CLEC2B: variants seen among roughly 807,000 people sequenced by gnomAD.
CLEC2B encodes the protein C-type (calcium dependent, carbohydrate-recognition domain) lectin, superfamily member 2 (activation-induced).
In CLEC2B, 14 loss-of-function variants were observed where a neutral mutation model predicts 16.2. The observed-to-expected ratio is 0.86, with a 90% CI of 0.57 to 1.35. The LOEUF is 1.35. Among genes scored for constraint, CLEC2B ranks in the 40% most tolerant of loss-of-function variants. The pLI is 0.00. For synonymous variants in CLEC2B, 42 were observed against 55.8 expected (o/e 0.75, Z 1.10); for missense variants, 166 against 182.3 (o/e 0.91, Z 0.52).
At position 9,853,083 on chromosome 12, in the gene CLEC2B, A is replaced by AAGAAAGAAAGAGAGAGAGAG; in HGVS notation, c.*216_*217insCTCTCTCTCTCTTTCTTTCT. ...AAAGAAAGAAAGAAAGAAAGAAAGA[A>AAGAAAGAAAGAGAGAGAGAG]AGAGAGAGAGAGAAAGAAAGAAAGA... On this transcript the variant is annotated 3_prime_UTR_variant, in exon 5 of 5. Transcript: ENST00000228438. 3.2e-6 allele frequency: 1 copy of AAGAAAGAAAGAGAGAGAGAG among 308,292 alleles called. No homozygotes were observed. Among genetic ancestry groups the AAGAAAGAAAGAGAGAGAGAG allele is most frequent in the African/African-American group, 2.9e-5 (1 of 34,734 alleles). The allele number at this position is 308,292 out of a possible 1,614,324, so 19.1% of individuals were successfully genotyped here. A position where few individuals can be genotyped will look rare whatever the true frequency, so the allele number is the denominator to read the frequency against.
rs180969379 is a variant in CLEC2B at position 9,867,629 on chromosome 12, C to A, written c.-3+1576G>T. 2.5e-3 allele frequency among the ~76,000 whole-genome samples: 386 copies of A among 152,180 alleles called. 1 individual carries two copies. Among genetic ancestry groups the A allele is most frequent in the African/African-American group, 8.9e-3 (368 of 41,534 alleles). On this transcript the variant is annotated intron_variant, in intron 1 of 4. Coordinates refer to ENST00000228438, the MANE Select transcript of CLEC2B (RefSeq NM_005127.3). ...AACAAATTAAAAAATTGTGATCTCC[C>A]ACGATGAAGCTGATATCGAAACATG... is the stretch of plus-strand genomic sequence containing the variant.
intron 1 of CLEC2B, 79 bp from the exon 2 acceptor site, chr12:9,862,652 C>T: frequency 8.1e-7 from 1 of 1,235,814 alleles, no homozygotes; most frequent in Non-Finnish European, 1.0e-6. Flanking sequence ...CTTTAATGTC[C>T]CCCACAGAAA....
intron 3 of CLEC2B, among the ~76,000 whole-genome samples, chr12:9,856,058 C>T (rs1010385456): frequency 6.6e-6 from 1 of 152,020 alleles, no homozygotes; most frequent in Non-Finnish European, 1.5e-5. Context: ...CCAAACAGTA[C>T]AAGCATTCTT....
intron 2 of CLEC2B, among the ~76,000 whole-genome samples, chr12:9,861,973 T>C (rs576590688): frequency 1.3e-5 from 2 of 152,166 alleles, no homozygotes; most frequent in East Asian, 3.9e-4. Flanking sequence ...GCATAAAATA[T>C]TTACTATCTG....
intron 4 of CLEC2B, among the ~76,000 whole-genome samples, chr12:9,853,635 C>T (rs1457763178): frequency 6.6e-6 from 1 of 152,162 alleles, no homozygotes; most frequent in Non-Finnish European, 1.5e-5. Context: ...ATCAGTGGAG[C>T]TATCAGTTCG....
intron 1 of CLEC2B, among the ~76,000 whole-genome samples, chr12:9,866,846 G>A (rs760204537): frequency 5.3e-5 from 8 of 152,028 alleles, no homozygotes; most frequent in Non-Finnish European, 8.8e-5. Flanking sequence ...AAATAACTTC[G>A]AGCTAACAGG....
At chr12:9,863,205 T>A (rs1176487811) in intron 1 of CLEC2B, among the ~76,000 whole-genome samples, 3 of 152,162 alleles carry the variant, frequency 2.0e-5, no homozygotes, top group Non-Finnish European at 4.4e-5. Context: ...AGTGGCACTC[T>A]AATTGTTTAC....
chr12:9,857,637 A>C lies in CLEC2B; in HGVS notation c.74T>G (p.Val25Gly). ...ACTCTGAGAATCTCGAGTTAGTTTA[A>C]CTGGAAATGAGACAAATATATATCT... ...LITTNIITLI[V>G]KLTRDSQSLC... The change falls in exon 3 of 5, where the codon GTT (valine) becomes GGT (glycine). Residue 25 changes from valine to glycine, a missense_variant and splice_region_variant. Coordinates refer to ENST00000228438, the MANE Select transcript of CLEC2B (RefSeq NM_005127.3). The C allele has an allele frequency of 6.2e-7, 1 of 1,606,008 alleles. No individual in the cohort carries two copies. Among genetic ancestry groups the C allele is most frequent in the Non-Finnish European group, 8.5e-7 (1 of 1,173,596 alleles).
intron 3 of CLEC2B, 119 bp downstream of exon 3, chr12:9,857,355 C>T (rs1337166229): frequency 2.7e-6 from 2 of 732,392 alleles, no homozygotes; most frequent in Non-Finnish European, 4.5e-6. Flanking sequence ...CTCTGAACAT[C>T]TTCAATTTTC....
intron 2 of CLEC2B, among the ~76,000 whole-genome samples, chr12:9,862,054 G>T (rs910618633): frequency 2.0e-5 from 3 of 151,922 alleles, no homozygotes; most frequent in Non-Finnish European, 4.4e-5. Flanking sequence ...TACCTATGAT[G>T]ACATTGAAAA....
intron 2 of CLEC2B, among the ~76,000 whole-genome samples, chr12:9,857,939 A>T (rs944064157): frequency 6.6e-6 from 1 of 152,156 alleles, no homozygotes; most frequent in Non-Finnish European, 1.5e-5. Context: ...TAAATGAATT[A>T]AAAGGAAATC....
chr12:9,857,216 C>T (rs573599170), intron 3 of CLEC2B: 5 of 274,994 alleles, frequency 1.8e-5, no homozygotes, highest in African/African-American at 8.9e-5. Context: ...CGTTTTCAAA[C>T]ATTATCAAGC....
At chr12:9,853,566 A>G (rs1171100944) in intron 4 of CLEC2B, among the ~76,000 whole-genome samples, 158 bp from the exon 5 acceptor site, 1 of 152,220 alleles carries the variant, frequency 6.6e-6, no homozygotes, top group Non-Finnish European at 1.5e-5. Context: ...TTTGGATCAA[A>G]AGAGTTTCTT....
At position 9,857,499 on chromosome 12, in the gene CLEC2B, G is replaced by C; in HGVS notation, c.212C>G (p.Thr71Ser). Residue 71 changes from threonine (T) to serine (S), a missense_variant, in exon 3 of 5, where the codon ACT becomes AGT. Physicochemically the swap from Thr to Ser is moderately conservative, Grantham distance 58. Coordinates refer to ENST00000228438, the MANE Select transcript of CLEC2B (RefSeq NM_005127.3). ...YNCSTQHADL[T>S]IIDNIEEMNF... ...CATTTCTTCTATGTTGTCAATTATA[G>C]TTAGGTCGGCATGTTGAGTGGAACA... 6.2e-7 allele frequency: 1 copy of C among 1,609,838 alleles called. No individual in the cohort carries two copies. Among genetic ancestry groups the C allele is most frequent in the Non-Finnish European group, 8.5e-7 (1 of 1,176,800 alleles).
intron 3 of CLEC2B, among the ~76,000 whole-genome samples, chr12:9,855,316 G>A (rs1358750898): frequency 6.6e-6 from 1 of 152,018 alleles, no homozygotes; most frequent in African/African-American, 2.4e-5. Flanking sequence ...TATCTTCACA[G>A]CATTGCATAA....
intron 1 of CLEC2B, among the ~76,000 whole-genome samples, chr12:9,868,363 G>C (rs983653814): frequency 1.3e-5 from 2 of 151,926 alleles, no homozygotes; most frequent in Non-Finnish European, 2.9e-5. Flanking sequence ...TTATAAAACC[G>C]GTTAAAATAC....
rs757959744 is a variant in CLEC2B at position 9,862,486 on chromosome 12, G to A, written c.73+13C>T. ...AGAAAGCCATGAAAAATAAAATGAA[G>A]GATGTAACTTACCTATCAGAGTAAT... On this transcript the variant is annotated intron_variant, in intron 2 of 4. Coordinates refer to ENST00000228438, the MANE Select transcript of CLEC2B (RefSeq NM_005127.3). 2.8e-6 allele frequency: 4 copies of A among 1,444,292 alleles called. No homozygotes were observed. Among genetic ancestry groups the A allele is most frequent in the South Asian group, 1.3e-5 (1 of 78,974 alleles). The allele number at this position is 1,444,292 out of a possible 1,614,324, so 89.5% of individuals were successfully genotyped here.
At chr12:9,858,126 A>G (rs564305375) in intron 2 of CLEC2B, among the ~76,000 whole-genome samples, 1 of 152,190 alleles carries the variant, frequency 6.6e-6, no homozygotes, top group South Asian at 2.1e-4. Flanking sequence ...TTAGCCAATG[A>G]ATGGAACTAA....
intron 2 of CLEC2B, among the ~76,000 whole-genome samples, chr12:9,861,624 T>C (rs954737079): frequency 2.6e-5 from 4 of 152,054 alleles, no homozygotes; most frequent in African/African-American, 7.2e-5. Flanking sequence ...CAATTTGCAA[T>C]AGTCAAAATG....
Sources: allele counts gnomAD v4.1 joint callset (sites outside exome capture counted in the v4.1 genomes callset), GRCh38; gene constraint gnomAD v4.1.1; transcripts MANE v1.5; gene names NCBI Gene and HGNC (gene_info 2026-07-23, HGNC 2026-07-21).